ADAMTSL1: variants seen among roughly 807,000 people sequenced by gnomAD.
ADAMTSL1 encodes the protein ADAMTS like 1.
In ADAMTSL1, 126 loss-of-function variants were observed where a neutral mutation model predicts 201.8. That is an observed-to-expected ratio of 0.62 (90% confidence interval 0.54 to 0.72). ADAMTSL1 has a LOEUF of 0.72. Among genes scored for constraint, ADAMTSL1 ranks in the 30% least tolerant of loss-of-function variants. ADAMTSL1 has a pLI of 0.00. For missense variants in ADAMTSL1, 2,679 were observed against 2,277.8 expected (o/e 1.18, Z -3.59); for synonymous variants, 1,121 against 903.4 (o/e 1.24, Z -4.32).
chr9:18,640,902 T>G (rs1827396066), intron 7 of ADAMTSL1, among the ~76,000 whole-genome samples: 1 of 152,054 alleles, frequency 6.6e-6, no homozygotes, highest in African/African-American at 2.4e-5. Flanking sequence ...TATGTTACCT[T>G]CAGAGTGCGT....
chr9:18,699,320 C>CTTTT (rs34869167), intron 13 of ADAMTSL1, among the ~76,000 whole-genome samples: 2 of 120,264 alleles, frequency 1.7e-5, no homozygotes, highest in Non-Finnish European at 1.7e-5. Context: ...GGGTTTTTTA[C>CTTTT]TTTTTTTTTT....
At chr9:18,295,489 C>T (rs994434427) in intron 2 of ADAMTSL1, among the ~76,000 whole-genome samples, 2 of 152,044 alleles carry the variant, frequency 1.3e-5, no homozygotes, top group African/African-American at 4.8e-5. Context: ...CAGGCATGCA[C>T]CACCATGTCC....
intron 2 of ADAMTSL1, among the ~76,000 whole-genome samples, chr9:18,242,578 T>C (rs1471791465): frequency 6.6e-6 from 1 of 152,056 alleles, no homozygotes; most frequent in Non-Finnish European, 1.5e-5. Context: ...ATTATCTCTA[T>C]TTGAAGGTGG....
At chr9:18,809,058 G>T (rs991484106) in intron 20 of ADAMTSL1, among the ~76,000 whole-genome samples, 1 of 152,188 alleles carries the variant, frequency 6.6e-6, no homozygotes, top group Non-Finnish European at 1.5e-5. Flanking sequence ...AAATAAAGAA[G>T]ACAAGAGAGA....
chr9:18,062,983 A>C (rs1822528949), intron 1 of ADAMTSL1, among the ~76,000 whole-genome samples: 1 of 152,188 alleles, frequency 6.6e-6, no homozygotes, highest in East Asian at 1.9e-4. Flanking sequence ...TAACTTTATT[A>C]AATAAACTGA....
chr9:18,063,736 A>G (rs1355035110), intron 1 of ADAMTSL1, among the ~76,000 whole-genome samples: 2 of 152,132 alleles, frequency 1.3e-5, no homozygotes, highest in Admixed American at 6.5e-5. Flanking sequence ...ATTTAAACCA[A>G]TAATTGGGGA....
At position 18,662,018 on chromosome 9, in the gene ADAMTSL1, A is replaced by C. The variant is rs768249524; in HGVS notation, c.1030A>C (p.Asn344His). ...ADQYCHYYPE[N>H]IKPKPKLQEC... ...CCAATACTGTCACTATTACCCAGAGAACATCAAACCCAAACCCAAGCTTCA... is the reference window on the plus strand; with the variant it reads ...CCAATACTGTCACTATTACCCAGAGCACATCAAACCCAAACCCAAGCTTCA... Residue 344 changes from asparagine to histidine, a missense_variant, in exon 9 of 29, where the codon AAC (asparagine) becomes CAC (histidine). By Grantham distance (68) the Asn-to-His change is moderately conservative (BLOSUM62 1). Coordinates refer to ENST00000380548, the MANE Select transcript of ADAMTSL1 (RefSeq NM_001040272.6). The C allele has an allele frequency of 6.2e-7, 1 of 1,614,092 alleles. No homozygotes were observed. The highest frequency in any genetic ancestry group is 1.7e-5 in the Admixed American group (1 of 60,024).
At chr9:18,303,383 C>G (rs1037241924) in intron 2 of ADAMTSL1, among the ~76,000 whole-genome samples, 1 of 152,194 alleles carries the variant, frequency 6.6e-6, no homozygotes, top group Non-Finnish European at 1.5e-5. Context: ...TGAGATAGGT[C>G]TTTCTTCAAC....
intron 1 of ADAMTSL1, among the ~76,000 whole-genome samples, chr9:18,096,055 C>T (rs1007306255): frequency 1.3e-5 from 2 of 152,164 alleles, no homozygotes; most frequent in Non-Finnish European, 2.9e-5. Context: ...CATCAGACTT[C>T]CCATAGTCAG....
At position 18,234,260 on chromosome 9, in the gene ADAMTSL1, C is replaced by T. The variant is rs150087250; in HGVS notation, c.207+70279C>T. Among the ~76,000 whole-genome samples, 9 of 152,162 alleles carry T rather than the reference C, an allele frequency of 5.9e-5. No homozygotes were observed. In the East Asian group the frequency reaches 1.5e-3, roughly 26 times the overall value. On this transcript the variant is annotated intron_variant, in intron 2 of 29. Coordinates refer to the ADAMTSL1 transcript ENST00000680146. ...AGGAGCAGAACGTGTTGGCAGAGAACGAGTGTGTGAGCAGGTGTGAGAGGA... is the reference window on the plus strand; with the variant it reads ...AGGAGCAGAACGTGTTGGCAGAGAATGAGTGTGTGAGCAGGTGTGAGAGGA...
At chr9:17,933,004 G>A (rs1306127503) in intron 1 of ADAMTSL1, among the ~76,000 whole-genome samples, 3 of 152,112 alleles carry the variant, frequency 2.0e-5, no homozygotes, top group Non-Finnish European at 4.4e-5. Context: ...GTTACAAAGT[G>A]CCCAGCCTGG....
Position 18,684,793 on chromosome 9 carries a change from G to A in ADAMTSL1, c.1567G>A (p.Glu523Lys), listed in dbSNP as rs1305924944. 1.2e-6 allele frequency: 2 copies of A among 1,610,996 alleles called. No homozygotes were observed. The highest frequency in any genetic ancestry group is 1.7e-5 in the Admixed American group (1 of 59,650). ...AGAAGAAGGAGCTGCTGTGTCAGAG[G>A]AGCCCTCGTAAGTTGTAAAAGCACA... The part of the protein sequence containing the change: ...ELEEGAAVSE[E>K]PSFIPEAWSA... Residue 523 changes from glutamate (E) to lysine (K), a missense_variant, in exon 13 of 29, where the codon GAG becomes AAG. Physicochemically the swap from Glu to Lys is moderately conservative, Grantham distance 56 (BLOSUM62 1). Transcript: ENST00000380548.
At chr9:18,771,091 T>TCC (rs1451772572) in intron 17 of ADAMTSL1, among the ~76,000 whole-genome samples, 4 of 152,176 alleles carry the variant, frequency 2.6e-5, no homozygotes, top group Non-Finnish European at 4.4e-5. Context: ...TGGGTTCTTC[T>TCC]CCTTCTATCT....
intron 2 of ADAMTSL1, among the ~76,000 whole-genome samples, chr9:18,320,444 A>G (rs1013903078): frequency 6.6e-6 from 1 of 152,230 alleles, no homozygotes; most frequent in Non-Finnish European, 1.5e-5. Flanking sequence ...AGTGAAATAA[A>G]CACATTATCA....
At chr9:18,609,129 T>C (rs1173216871) in intron 4 of ADAMTSL1, among the ~76,000 whole-genome samples, 1 of 152,154 alleles carries the variant, frequency 6.6e-6, no homozygotes, top group Non-Finnish European at 1.5e-5. Context: ...ATGAGAAATC[T>C]CTATTTTGTG....
At chr9:18,741,830 C>G (rs1003523973) in intron 15 of ADAMTSL1, among the ~76,000 whole-genome samples, 1 of 152,088 alleles carries the variant, frequency 6.6e-6, no homozygotes, top group African/African-American at 2.4e-5. Context: ...TTGCTTCCAG[C>G]TTTTCTTGTG....
intron 13 of ADAMTSL1, among the ~76,000 whole-genome samples, chr9:18,699,142 T>G (rs1831763768): frequency 6.6e-6 from 1 of 152,082 alleles, no homozygotes; most frequent in Non-Finnish European, 1.5e-5. Context: ...AGCATTTTGT[T>G]TTTTAACCCA....
chr9:18,899,881 C>CAA lies in ADAMTSL1; in HGVS notation c.4852-5899_4852-5898dup, dbSNP rs555841009. Among the ~76,000 whole-genome samples, 43 of 152,222 alleles carry CAA rather than the reference C, an allele frequency of 2.8e-4. No homozygotes were observed. In the East Asian group the frequency reaches 7.3e-3, roughly 26 times the overall value. On this transcript the variant is annotated intron_variant, in intron 26 of 28. Coordinates refer to ENST00000380548, the MANE Select transcript of ADAMTSL1 (RefSeq NM_001040272.6). ...ATACCATTCAGAACATAGGCATAGG[C>CAA]AAAGATTTCATGATGTAGATGCCAA...
At chr9:18,371,562 A>G (rs751499793) in intron 2 of ADAMTSL1, among the ~76,000 whole-genome samples, 2 of 152,206 alleles carry the variant, frequency 1.3e-5, no homozygotes, top group African/African-American at 4.8e-5. Flanking sequence ...TATTATTGTG[A>G]TAGGTTTATG....
Sources: allele counts gnomAD v4.1 joint callset (sites outside exome capture counted in the v4.1 genomes callset), GRCh38; gene constraint gnomAD v4.1.1; transcripts MANE v1.5; gene names NCBI Gene and HGNC (gene_info 2026-07-23, HGNC 2026-07-21).